RBFOX3: variants seen among roughly 807,000 people sequenced by gnomAD.
RBFOX3 encodes RNA binding fox-1 homolog 3, also known as RNA binding protein fox-1 homolog 3.
A neutral mutation model predicts 48.7 loss-of-function variants in RBFOX3; 17 were observed. That is an observed-to-expected ratio of 0.35 (90% CI 0.24 to 0.52). The LOEUF (loss-of-function observed/expected upper bound fraction) is 0.52. Ranked by LOEUF, RBFOX3 falls within the 20% of genes least tolerant of loss-of-function variation. The pLI is 0.94. For synonymous variants in RBFOX3, 212 were observed against 209.5 expected, an observed-to-expected ratio of 1.01 and a Z score of -0.10; for missense variants, 382 against 497.5, an observed-to-expected ratio of 0.77 and a Z score of 2.21.
At chr17:79,155,373 C>T (rs2045544243) in intron 4 of RBFOX3, among the ~76,000 whole-genome samples, 1 of 152,190 alleles carries the variant, frequency 6.6e-6, no homozygotes, top group Non-Finnish European at 1.5e-5. Context: ...TGGGCACTGC[C>T]CGCTCTCGGG....
intron 3 of RBFOX3, among the ~76,000 whole-genome samples, chr17:79,248,938 G>C (rs1015845636): frequency 2.6e-5 from 4 of 152,234 alleles, no homozygotes; most frequent in African/African-American, 7.2e-5. Context: ...CACATCCACT[G>C]CCTCTTCTGT....
At chr17:79,412,273 TGTGC>T (rs539569754) in intron 2 of RBFOX3, among the ~76,000 whole-genome samples, 25 of 151,358 alleles carry the variant, frequency 1.7e-4, no homozygotes, top group African/African-American at 5.6e-4. Context: ...GTATGGTATG[TGTGC>T]GTGTATGAAC....
At chr17:79,194,024 A>G (rs76127258) in intron 4 of RBFOX3, among the ~76,000 whole-genome samples, 14,747 of 152,276 alleles carry the variant, frequency 0.097, 726 homozygotes, top group South Asian at 0.12. Context: ...CGAGCCTGAC[A>G]GAAGGCAGCA....
the RBFOX3 span, among the ~76,000 whole-genome samples, chr17:79,625,541 A>G: frequency 6.6e-6 from 1 of 152,228 alleles, no homozygotes; most frequent in Non-Finnish European, 1.5e-5. Flanking sequence ...CTGTAATCCC[A>G]GCATTTTGGG....
intron 2 of RBFOX3, among the ~76,000 whole-genome samples, chr17:79,420,003 T>C (rs1192563453): frequency 6.6e-6 from 1 of 152,196 alleles, no homozygotes; most frequent in Non-Finnish European, 1.5e-5. Context: ...GGCGTGTTCC[T>C]GTAATCCCAG....
At chr17:79,284,126 C>T (rs12948460) in intron 3 of RBFOX3, among the ~76,000 whole-genome samples, 1 of 150,270 alleles carries the variant, frequency 6.7e-6, no homozygotes, top group Admixed American at 6.6e-5. Flanking sequence ...GATGCCTTCT[C>T]CAGGACCATC....
At chr17:79,599,468 C>T (rs1008687644) in intron 1 of RBFOX3, 5 of 152,290 alleles carry the variant, frequency 3.3e-5, no homozygotes, top group Admixed American at 6.5e-5. Flanking sequence ...CACAAAAGCA[C>T]GCACGCTGCT....
chr17:79,638,303 GGT>G, the RBFOX3 span, among the ~76,000 whole-genome samples: 2 of 85,020 alleles, frequency 2.4e-5, no homozygotes, highest in East Asian at 2.0e-3. Flanking sequence ...AAACTGAGTT[GGT>G]TTTTTTTTTT....
chr17:79,299,936 G>A lies in RBFOX3; in HGVS notation c.-74+7788C>T, dbSNP rs1039678413. ...TTTTTTTTTTTTGAGACAGTGTCTC[G>A]CTCTGTGGCCCAGGCTGGAGTGCAG... On this transcript the variant is annotated intron_variant, in intron 3 of 14. Coordinates refer to ENST00000693108, the MANE Select transcript of RBFOX3 (RefSeq NM_001350451.2). This position sits in a 1 kb window ranked among gnomAD's most constrained non-coding sequence, Gnocchi z 4.5. Among the ~76,000 whole-genome samples, 4 of 149,470 alleles carry A rather than the reference G, an allele frequency of 2.7e-5. No homozygotes were observed. The highest frequency in any genetic ancestry group is 2.0e-4 in the Admixed American group (3 of 14,970).
At chr17:79,631,857 A>T in the RBFOX3 span, among the ~76,000 whole-genome samples, 3 of 152,116 alleles carry the variant, frequency 2.0e-5, no homozygotes, top group Admixed American at 1.3e-4. Flanking sequence ...GGGTCCCTGG[A>T]GTGTCGTTTA....
In RBFOX3 at chr17:79,090,767, TG is replaced by T; in HGVS notation, c.*115del. ...TTGGTTGGATGCCTCTTGGTTTGGT[TG>T]GTTTTTTTTTTGTTGCTTGGATCTT... is the stretch of plus-strand genomic sequence containing the variant. On this transcript the variant is annotated 3_prime_UTR_variant, in exon 15 of 15. Coordinates refer to ENST00000693108, the MANE Select transcript of RBFOX3 (RefSeq NM_001350451.2). 1.6e-6 allele frequency: 2 copies of T among 1,270,968 alleles called. No homozygotes were observed. Among genetic ancestry groups the T allele is most frequent in the South Asian group, 3.1e-5 (2 of 64,824 alleles). The allele number at this position is 1,270,968 out of a possible 1,614,324, so 78.7% of individuals were successfully genotyped here.
intron 2 of RBFOX3, among the ~76,000 whole-genome samples, chr17:79,357,548 T>C (rs1395857120): frequency 6.6e-6 from 1 of 152,120 alleles, no homozygotes; most frequent in Non-Finnish European, 1.5e-5. Context: ...GGAGGATCAC[T>C]TGAACCCAGG....
chr17:79,478,336 T>C (rs2078262760), intron 2 of RBFOX3, among the ~76,000 whole-genome samples: 1 of 152,184 alleles, frequency 6.6e-6, no homozygotes, highest in Admixed American at 6.6e-5. Flanking sequence ...TGAGTTTGGA[T>C]AGTGTAAGCT....
At chr17:79,424,750 C>T (rs917225147) in intron 2 of RBFOX3, among the ~76,000 whole-genome samples, 1 of 152,204 alleles carries the variant, frequency 6.6e-6, no homozygotes, top group Non-Finnish European at 1.5e-5. Context: ...CAGCTGCCAC[C>T]TCATGTCCTT....
At chr17:79,333,983 C>T (rs1442411141) in intron 2 of RBFOX3, among the ~76,000 whole-genome samples, 1 of 152,146 alleles carries the variant, frequency 6.6e-6, no homozygotes, top group Non-Finnish European at 1.5e-5. Flanking sequence ...CATGTCCCCA[C>T]CCCTCCCTTG....
chr17:79,470,406 A>G (rs1175528534), intron 2 of RBFOX3, among the ~76,000 whole-genome samples: 1 of 152,192 alleles, frequency 6.6e-6, no homozygotes, highest in Non-Finnish European at 1.5e-5. Flanking sequence ...TCTTCACTCA[A>G]CAGCTCCCCC....
chr17:79,561,212 C>T (rs2092190964), intron 1 of RBFOX3, among the ~76,000 whole-genome samples: 1 of 152,172 alleles, frequency 6.6e-6, no homozygotes, highest in Non-Finnish European at 1.5e-5. Context: ...TTAAAAAAGT[C>T]ACTACCATGT....
intron 2 of RBFOX3, among the ~76,000 whole-genome samples, chr17:79,436,192 T>A (rs2069411178): frequency 6.6e-6 from 1 of 152,184 alleles, no homozygotes; most frequent in Non-Finnish European, 1.5e-5. Flanking sequence ...GTGGGCACTG[T>A]GCAAACGTAC....
intron 2 of RBFOX3, among the ~76,000 whole-genome samples, chr17:79,384,192 G>C (rs1189369577): frequency 6.6e-6 from 1 of 152,206 alleles, no homozygotes; most frequent in Non-Finnish European, 1.5e-5. Flanking sequence ...AAAACAAAGA[G>C]GGTTTCTGAG....
Sources: gnomAD v4.1 joint callset for allele counts (sites outside exome capture counted in the v4.1 genomes callset) on GRCh38, gnomAD v4.1.1 for gene constraint, Gnocchi (gnomAD v3.1) non-coding constraint, MANE v1.5 for transcripts, NCBI Gene and HGNC (gene_info 2026-07-23, HGNC 2026-07-21) for gene names.